Variants in SEC11A observed in about 807,000 individuals in gnomAD.
The protein encoded by SEC11A is signal peptidase complex catalytic subunit SEC11A.
In SEC11A, 14 loss-of-function variants were observed where a neutral mutation model predicts 25.6. That is an observed-to-expected ratio of 0.55 (90% confidence interval 0.36 to 0.85). The LOEUF is 0.85. Ranked by LOEUF, SEC11A falls within the 40% of genes least tolerant of loss-of-function variation. The pLI is 0.01. For missense variants in SEC11A, 153 were observed against 222.9 expected (o/e 0.69, Z 2.00); for synonymous variants, 83 against 76.4 (o/e 1.09, Z -0.45).
At chr15:84,672,877 C>A (rs1199569963) in intron 4 of SEC11A, 1 of 208,732 alleles carries the variant, frequency 4.8e-6, no homozygotes, top group Non-Finnish European at 9.9e-6. Flanking sequence ...TGCCCCGCCG[C>A]CCCGTCTGGG....
intron 2 of SEC11A, 58 bp downstream of exon 2, chr15:84,691,477 C>A (rs1055687555): frequency 1.1e-6 from 1 of 932,592 alleles, no homozygotes; most frequent in Non-Finnish European, 1.7e-6. Context: ...TTTCATATCT[C>A]AATTTTTCTC....
At chr15:84,670,569 G>A (rs1043695540) in intron 5 of SEC11A, 156 bp downstream of exon 5, 6 of 436,222 alleles carry the variant, frequency 1.4e-5, no homozygotes, top group South Asian at 8.4e-5. Context: ...TAATAGAGAC[G>A]GGGTTTCGCT....
chr15:84,700,739 G>T (rs1897909020), intron 1 of SEC11A, among the ~76,000 whole-genome samples: 1 of 150,932 alleles, frequency 6.6e-6, no homozygotes, highest in Non-Finnish European at 1.5e-5. Context: ...CCAGCACTTT[G>T]GGAAGCCGAG....
At chr15:84,688,539 CA>C (rs1897496996) in intron 2 of SEC11A, among the ~76,000 whole-genome samples, 1 of 152,218 alleles carries the variant, frequency 6.6e-6, no homozygotes. Flanking sequence ...AGTAGCCCAT[CA>C]GTCTTTTTCA....
In SEC11A at chr15:84,710,014, G is replaced by C. The variant is rs530984676; in HGVS notation, c.51+6011C>G. 2.6e-5 allele frequency among the ~76,000 whole-genome samples: 4 copies of C among 152,270 alleles called. No individual in the cohort carries two copies. In the East Asian group the frequency reaches 7.7e-4, roughly 29 times the overall value. ...CATCTCGGCCTCCACCATTACAGGC[G>C]TGAGCCACTGCACCCAGCTATATTT... is the stretch of plus-strand genomic sequence containing the variant. On this transcript the variant is annotated intron_variant, in intron 1 of 5. Transcript: ENST00000268220.
At chr15:84,692,404 T>C (rs1236195840) in intron 1 of SEC11A, among the ~76,000 whole-genome samples, 1 of 152,168 alleles carries the variant, frequency 6.6e-6, no homozygotes, top group African/African-American at 2.4e-5. Context: ...CTCTACCTTC[T>C]CATTTTACAG....
At chr15:84,707,181 CTTTTTTTTTT>C (rs35694643) in intron 1 of SEC11A, among the ~76,000 whole-genome samples, 1 of 91,646 alleles carries the variant, frequency 1.1e-5, no homozygotes, top group South Asian at 3.3e-4. Context: ...TTGTGTGAGA[CTTTTTTTTTT>C]TTTTTTTTTT....
intron 1 of SEC11A, among the ~76,000 whole-genome samples, chr15:84,694,363 A>G (rs1208073704): frequency 6.6e-6 from 1 of 152,016 alleles, no homozygotes; most frequent in African/African-American, 2.4e-5. Context: ...AAAAAAAAAA[A>G]GGAAGAAAAT....
intron 1 of SEC11A, among the ~76,000 whole-genome samples, chr15:84,704,871 C>T (rs551798385): frequency 5.9e-5 from 9 of 151,646 alleles, no homozygotes; most frequent in African/African-American, 2.2e-4. Context: ...TTCACTCTTC[C>T]TCATCCTGGA....
chr15:84,677,475 C>CTTT (rs1171786400), intron 4 of SEC11A, among the ~76,000 whole-genome samples: 1 of 131,428 alleles, frequency 7.6e-6, no homozygotes, highest in African/African-American at 2.8e-5. Flanking sequence ...TTTTCTTTTT[C>CTTT]TTTTTTTTTT....
At chr15:84,691,438 T>G (rs1897603174) in intron 2 of SEC11A, 97 bp downstream of exon 2, 2 of 663,732 alleles carry the variant, frequency 3.0e-6, no homozygotes, top group African/African-American at 1.8e-5. Context: ...TGGAAAAGAG[T>G]AGTTTCTAAG....
intron 1 of SEC11A, among the ~76,000 whole-genome samples, chr15:84,710,138 A>C (rs1488225406): frequency 6.6e-6 from 1 of 152,218 alleles, no homozygotes; most frequent in Non-Finnish European, 1.5e-5. Flanking sequence ...GTTGTTTTAG[A>C]TTATGTGAAT....
intron 3 of SEC11A, 114 bp downstream of exon 3, chr15:84,687,511 G>C: frequency 1.4e-6 from 1 of 735,112 alleles, no homozygotes. Context: ...AAATGGACTG[G>C]AAGAAGGCCT....
chr15:84,674,190 G>A (rs965411981), intron 4 of SEC11A, among the ~76,000 whole-genome samples: 1 of 151,068 alleles, frequency 6.6e-6, no homozygotes, highest in African/African-American at 2.4e-5. Flanking sequence ...TAAGAGGATG[G>A]ATAGAGGTTT....
At chr15:84,672,088 GA>G (rs1163731749) in intron 4 of SEC11A, 3 of 152,624 alleles carry the variant, frequency 2.0e-5, no homozygotes, top group African/African-American at 7.2e-5. Context: ...AAACAGCCCA[GA>G]CCATGCCAAA....
intron 1 of SEC11A, among the ~76,000 whole-genome samples, chr15:84,701,557 T>G (rs1236289604): frequency 6.6e-6 from 1 of 150,444 alleles, no homozygotes; most frequent in Non-Finnish European, 1.5e-5. Context: ...GAAAAAAAAA[T>G]GTAAATGATC....
At chr15:84,699,316 CAA>C (rs35351608) in intron 1 of SEC11A, among the ~76,000 whole-genome samples, 48 of 89,038 alleles carry the variant, frequency 5.4e-4, no homozygotes, top group Admixed American at 6.4e-4. Flanking sequence ...CTCTTGTCTC[CAA>C]AAAAAAAAAA....
chr15:84,707,723 G>A (rs1898138856), intron 1 of SEC11A, among the ~76,000 whole-genome samples: 2 of 152,082 alleles, frequency 1.3e-5, no homozygotes, highest in Non-Finnish European at 1.5e-5. Flanking sequence ...ACTGTTATAG[G>A]CTTGTGCCAT....
At position 84,694,699 on chromosome 15, in the gene SEC11A, A is replaced by G. The variant is rs185413416; in HGVS notation, c.52-3055T>C. 4.0e-3 allele frequency among the ~76,000 whole-genome samples: 607 copies of G among 152,182 alleles called. 2 individuals carry two copies. The highest frequency in any genetic ancestry group is 0.014 in the African/African-American group (577 of 41,522). Reference sequence around the variant, plus strand: ...AATGAGGGGCTAGGCACAGAGACTCATGCCTGTAATCCCAACACTTTGGGA... The same window carrying G: ...AATGAGGGGCTAGGCACAGAGACTCGTGCCTGTAATCCCAACACTTTGGGA... On this transcript the variant is annotated intron_variant, in intron 1 of 5. Coordinates refer to ENST00000268220, the MANE Select transcript of SEC11A (RefSeq NM_014300.4).
Sources: gnomAD v4.1 joint callset for allele counts (sites outside exome capture counted in the v4.1 genomes callset) on GRCh38, gnomAD v4.1.1 for gene constraint, MANE v1.5 for transcripts, NCBI Gene and HGNC (gene_info 2026-07-23, HGNC 2026-07-21) for gene names.